Variants in DOCK9 observed in about 807,000 individuals in gnomAD.
DOCK9 encodes the protein dedicator of cytokinesis protein 9.
Under a neutral mutation model 263.3 loss-of-function variants are expected in DOCK9, and 89 were observed. The observed-to-expected ratio is 0.34, with a 90% CI of 0.28 to 0.40. DOCK9 has a LOEUF of 0.40. Among genes scored for constraint, DOCK9 ranks in the 10% least tolerant of loss-of-function variants. The pLI, the probability that DOCK9 is intolerant of heterozygous loss-of-function variation, is 1.00. For synonymous variants in DOCK9, 976 were observed against 973.1 expected (o/e 1.00, Z -0.06); for missense variants, 2,140 against 2,603.4 (o/e 0.82, Z 3.87).
chr13:98,900,884 C>G (rs1326137221), intron 13 of DOCK9, among the ~76,000 whole-genome samples: 1 of 152,210 alleles, frequency 6.6e-6, no homozygotes, highest in African/African-American at 2.4e-5. Flanking sequence ...ATAGGAAGCT[C>G]TGAATCCAAC....
At chr13:98,976,661 T>A (rs1178779484) in intron 1 of DOCK9, among the ~76,000 whole-genome samples, 1 of 152,212 alleles carries the variant, frequency 6.6e-6, no homozygotes, top group Non-Finnish European at 1.5e-5. Context: ...CTAAACAATG[T>A]AGCAGAGGGT....
intron 1 of DOCK9, among the ~76,000 whole-genome samples, chr13:99,035,850 C>G (rs1887816347): frequency 6.6e-6 from 1 of 152,140 alleles, no homozygotes; most frequent in South Asian, 2.1e-4. Flanking sequence ...AACATTAAAT[C>G]AATAGACTGA....
intron 2 of DOCK9, among the ~76,000 whole-genome samples, chr13:98,938,116 G>T (rs1439994999): frequency 6.6e-6 from 1 of 152,198 alleles, no homozygotes; most frequent in African/African-American, 2.4e-5. Flanking sequence ...CCTGGCCGGG[G>T]CTCTGTCTGG....
chr13:99,011,176 C>T (rs147189463), intron 1 of DOCK9, among the ~76,000 whole-genome samples: 10 of 152,010 alleles, frequency 6.6e-5, no homozygotes, highest in African/African-American at 1.2e-4. Flanking sequence ...GGACTACAGG[C>T]GTGTGCCACC....
chr13:98,826,198 C>T (rs2092529103), intron 44 of DOCK9, among the ~76,000 whole-genome samples: 1 of 152,116 alleles, frequency 6.6e-6, no homozygotes, highest in Non-Finnish European at 1.5e-5. Context: ...CGCAGACTAC[C>T]AGCTTTTCTA....
intron 1 of DOCK9, among the ~76,000 whole-genome samples, chr13:99,010,839 C>T (rs566025418): frequency 6.6e-6 from 1 of 152,326 alleles, no homozygotes; most frequent in Admixed American, 6.5e-5. Context: ...CTGTTTGTTA[C>T]TTCAGAGCCA....
chr13:98,810,078 C>T lies in DOCK9; in HGVS notation c.5253+91G>A, dbSNP rs540511705. 5.4e-3 allele frequency: 8,462 copies of T among 1,562,192 alleles called. 22 individuals carry two copies. The highest frequency in any genetic ancestry group is 6.6e-3 in the Non-Finnish European group (7,594 of 1,149,270). ...ACCCCCACTCATCTCTGGCCCATGG[C>T]CTGCTTCCTCTCTCACATATATGCA... is the stretch of plus-strand genomic sequence containing the variant. On this transcript the variant is annotated intron_variant, in intron 46 of 52. Coordinates refer to ENST00000682017, the MANE Select transcript of DOCK9 (RefSeq NM_001366683.2).
intron 2 of DOCK9, among the ~76,000 whole-genome samples, chr13:98,934,453 AC>A (rs2054493392): frequency 6.6e-6 from 1 of 152,214 alleles, no homozygotes; most frequent in Admixed American, 6.5e-5. Flanking sequence ...CAGAAGAACC[AC>A]CCAGCTGAGC....
intron 18 of DOCK9, 168 bp downstream of exon 18, chr13:98,887,990 A>G (rs2046049560): frequency 1.9e-6 from 1 of 530,494 alleles, no homozygotes; most frequent in South Asian, 2.7e-5. Flanking sequence ...AATATTCCAT[A>G]TTCGATAAGA....
intron 1 of DOCK9, among the ~76,000 whole-genome samples, chr13:98,964,342 G>A (rs181644033): frequency 1.6e-4 from 24 of 152,174 alleles, no homozygotes; most frequent in African/African-American, 4.8e-4. Flanking sequence ...CTCAATAACT[G>A]TGTGTTGGAT....
chr13:99,007,319 G>C (rs1257690400), intron 1 of DOCK9, among the ~76,000 whole-genome samples: 1 of 151,690 alleles, frequency 6.6e-6, no homozygotes, highest in Non-Finnish European at 1.5e-5. Flanking sequence ...ACCCAGGAAG[G>C]GGAAGTTGCA....
chr13:98,981,793 A>G (rs1877278843), upstream of DOCK9, among the ~76,000 whole-genome samples: 1 of 152,220 alleles, frequency 6.6e-6, no homozygotes, highest in Non-Finnish European at 1.5e-5. Context: ...TGGTTTCTCC[A>G]AAGGGCTCAT....
At chr13:98,879,860 TC>T (rs773581616) in intron 27 of DOCK9, 37 bp downstream of exon 27, 2 of 1,536,454 alleles carry the variant, frequency 1.3e-6, no homozygotes, top group Non-Finnish European at 1.8e-6. Context: ...AGATTTCTTT[TC>T]CCCTAAGAAC....
chr13:98,940,825 C>T (rs991084729), intron 2 of DOCK9, among the ~76,000 whole-genome samples: 1 of 152,150 alleles, frequency 6.6e-6, no homozygotes, highest in African/African-American at 2.4e-5. Flanking sequence ...AGCACCCTAA[C>T]TGGTAGGCCC....
At chr13:98,977,406 A>G (rs142784356) in intron 1 of DOCK9, among the ~76,000 whole-genome samples, 4,215 of 152,336 alleles carry the variant, frequency 0.028, 95 homozygotes, top group South Asian at 0.063. Context: ...AATAGCATAA[A>G]TAACGTAGAA....
chr13:98,904,578 T>A, intron 10 of DOCK9, 54 bp downstream of exon 10: 1 of 1,308,292 alleles, frequency 7.6e-7, no homozygotes, highest in Non-Finnish European at 1.1e-6. Context: ...AGCCCATCGA[T>A]GATTTTCTCT....
intron 2 of DOCK9, among the ~76,000 whole-genome samples, chr13:98,939,576 G>T (rs1442898078): frequency 6.6e-6 from 1 of 152,176 alleles, no homozygotes; most frequent in Non-Finnish European, 1.5e-5. Context: ...CAAATCTTAG[G>T]GTGGGCCTGG....
intron 33 of DOCK9, chr13:98,857,254 C>T (rs1206555229): frequency 1.3e-5 from 2 of 152,200 alleles, no homozygotes; most frequent in Non-Finnish European, 2.9e-5. Flanking sequence ...CTTGGCACTT[C>T]ACAACAGGCT....
intron 3 of DOCK9, among the ~76,000 whole-genome samples, chr13:98,926,754 T>G (rs1686893395): frequency 6.6e-6 from 1 of 152,234 alleles, no homozygotes; most frequent in African/African-American, 2.4e-5. Flanking sequence ...CAGTCAGCAC[T>G]TGACTATTTA....
Sources: gnomAD v4.1 joint callset for allele counts (sites outside exome capture counted in the v4.1 genomes callset) on GRCh38, gnomAD v4.1.1 for gene constraint, MANE v1.5 for transcripts, NCBI Gene and HGNC (gene_info 2026-07-23, HGNC 2026-07-21) for gene names.